SLC7A7: variants seen among roughly 807,000 people sequenced by gnomAD.
SLC7A7 encodes Y+L amino acid transporter 1.
Under a neutral mutation model 47.9 loss-of-function variants are expected in SLC7A7, and 39 were observed. That is an observed-to-expected ratio of 0.81 (90% confidence interval 0.63 to 1.06). The LOEUF (loss-of-function observed/expected upper bound fraction) is 1.06. SLC7A7 is among the 50% of genes least tolerant of loss of function. SLC7A7 has a pLI of 0.00. For synonymous variants in SLC7A7, 234 were observed against 242.8 expected (o/e 0.96, Z 0.34); for missense variants, 588 against 632.0 (o/e 0.93, Z 0.75).
At chr14:22,809,240 C>CA (rs1220318201) in intron 2 of SLC7A7, among the ~76,000 whole-genome samples, 1 of 152,168 alleles carries the variant, frequency 6.6e-6, no homozygotes, top group Non-Finnish European at 1.5e-5. Flanking sequence ...AGTGCAGTAG[C>CA]ATGATCTCGG....
chr14:22,778,850 G>C lies in SLC7A7; in HGVS notation c.713C>G (p.Ser238Cys), dbSNP rs386833823. Reference sequence around the variant, plus strand: ...GTTGAGGGTGTCCCAGCCTGAGTAGGAGAACAGAGCTGAGTACAGTGCCAG... The same window carrying C: ...GTTGAGGGTGTCCCAGCCTGAGTAGCAGAACAGAGCTGAGTACAGTGCCAG... ...IALALYSALF[S>C]YSGWDTLNYV... The change falls in exon 4 of 10, where the codon TCC (serine) becomes TGC (cysteine). Residue 238 changes from serine to cysteine, a missense_variant. Ser to Cys is a moderately radical substitution (Grantham distance 112). Coordinates refer to ENST00000674313, the MANE Select transcript of SLC7A7 (RefSeq NM_003982.4). The C allele has an allele frequency of 2.5e-6, 4 of 1,614,044 alleles. No homozygotes were observed. Among genetic ancestry groups the C allele is most frequent in the Non-Finnish European group, 3.4e-6 (4 of 1,180,032 alleles).
intron 3 of SLC7A7, among the ~76,000 whole-genome samples, chr14:22,779,485 C>T (rs962676877): frequency 1.1e-4 from 17 of 151,284 alleles, no homozygotes; most frequent in Non-Finnish European, 1.8e-4. Context: ...GACAGAGTCT[C>T]GCTCTGTCGC....
At chr14:22,799,265 A>G (rs970602129) in intron 2 of SLC7A7, among the ~76,000 whole-genome samples, 3 of 151,862 alleles carry the variant, frequency 2.0e-5, no homozygotes, top group East Asian at 3.9e-4. Context: ...TCCACTCACC[A>G]TCTTCCAGGT....
At chr14:22,815,969 T>C (rs139848910), upstream of SLC7A7, 443 of 277,906 alleles carry the variant, frequency 1.6e-3, 3 homozygotes, top group African/African-American at 9.1e-3. Flanking sequence ...CACTTCCCCA[T>C]GCAAAGAGAG....
At chr14:22,791,988 C>G (rs1395614734) in intron 2 of SLC7A7, among the ~76,000 whole-genome samples, 1 of 152,076 alleles carries the variant, frequency 6.6e-6, no homozygotes, top group African/African-American at 2.4e-5. Context: ...GCGTCCGCCA[C>G]CACGTCCGGC....
chr14:22,815,538 A>T (rs2039394229), upstream of SLC7A7: 1 of 454,204 alleles, frequency 2.2e-6, no homozygotes, highest in Non-Finnish European at 4.4e-6. Flanking sequence ...TTAAGCAACC[A>T]TCTGGGTCCA....
At chr14:22,800,308 T>A (rs1297888967) in intron 2 of SLC7A7, among the ~76,000 whole-genome samples, 1 of 152,180 alleles carries the variant, frequency 6.6e-6, no homozygotes, top group Non-Finnish European at 1.5e-5. Flanking sequence ...ATTGGAGTTT[T>A]CCAATATGCC....
chr14:22,791,251 T>C (rs1386648809), intron 2 of SLC7A7, among the ~76,000 whole-genome samples: 1 of 152,178 alleles, frequency 6.6e-6, no homozygotes, highest in Non-Finnish European at 1.5e-5. Context: ...TCCCAATCCC[T>C]ATAAACCTCC....
chr14:22,813,544 C>T (rs1034426867), intron 1 of SLC7A7, 104 bp from the exon 2 acceptor site: 12 of 860,190 alleles, frequency 1.4e-5, no homozygotes, highest in South Asian at 1.3e-4. Context: ...CCAACCAATG[C>T]GGAGACCTCC....
At chr14:22,810,254 C>T (rs996102233) in intron 2 of SLC7A7, among the ~76,000 whole-genome samples, 66 of 151,590 alleles carry the variant, frequency 4.4e-4, no homozygotes, top group Admixed American at 7.2e-4. Flanking sequence ...TACCTGAGGT[C>T]CGGAGTTCGA....
At chr14:22,796,161 T>G (rs973138402) in intron 2 of SLC7A7, among the ~76,000 whole-genome samples, 3 of 152,094 alleles carry the variant, frequency 2.0e-5, no homozygotes, top group Non-Finnish European at 4.4e-5. Context: ...GGCAACTAGC[T>G]TCCAAGTAGA....
chr14:22,775,448 A>G lies in SLC7A7; in HGVS notation c.1091T>C (p.Phe364Ser). Reference protein sequence around the residue: ...ERFTPVPSLLFNGIMALIYLC... With the variant: ...ERFTPVPSLLSNGIMALIYLC... The stretch of plus-strand genomic sequence containing the variant: ...CTCATCCTTGAGTTCACTTACATTG[A>G]AGAGCAGAGAAGGCACTGGTGTGAA... Residue 364 changes from phenylalanine to serine, a missense_variant, in exon 7 of 10, where the codon TTC becomes TCC. By Grantham distance (155) the Phe-to-Ser change is radical. Transcript: ENST00000674313. 6.2e-7 allele frequency: 1 copy of G among 1,613,606 alleles called. No individual in the cohort carries two copies.
At chr14:22,795,419 TTTCTTTCTTTCTTTC>T (rs1404215446) in intron 2 of SLC7A7, among the ~76,000 whole-genome samples, 12 of 146,872 alleles carry the variant, frequency 8.2e-5, no homozygotes, top group African/African-American at 3.0e-4. Context: ...TCTTTCTTTC[TTTCTTTCTTTCTTTC>T]TTTCTTTCTT....
intron 2 of SLC7A7, among the ~76,000 whole-genome samples, chr14:22,801,195 C>T (rs569795044): frequency 2.9e-4 from 44 of 152,254 alleles, no homozygotes; most frequent in African/African-American, 1.0e-3. Context: ...TATGCCTTGA[C>T]TCTATTTACC....
chr14:22,777,486 C>T (rs1390165248), intron 4 of SLC7A7, among the ~76,000 whole-genome samples: 2 of 151,798 alleles, frequency 1.3e-5, no homozygotes, highest in Non-Finnish European at 1.5e-5. Context: ...AACTGGTGGG[C>T]AAAAGAAAGA....
intron 2 of SLC7A7, among the ~76,000 whole-genome samples, chr14:22,798,522 G>T (rs1594969296): frequency 6.6e-6 from 1 of 152,270 alleles, no homozygotes; most frequent in East Asian, 1.9e-4. Context: ...CATGGAGAAG[G>T]CATCATTGTA....
intron 1 of SLC7A7, chr14:22,814,841 G>A (rs2039381375): frequency 6.0e-6 from 1 of 166,434 alleles, no homozygotes; most frequent in Non-Finnish European, 1.3e-5. Context: ...ACCCTTAGCT[G>A]GAGTCTTCAG....
chr14:22,802,245 A>G (rs2039127709), intron 2 of SLC7A7, among the ~76,000 whole-genome samples: 1 of 152,100 alleles, frequency 6.6e-6, no homozygotes, highest in Non-Finnish European at 1.5e-5. Context: ...TGTACTAAAA[A>G]TACAAAAATT....
intron 2 of SLC7A7, among the ~76,000 whole-genome samples, chr14:22,795,888 G>C (rs1436287403): frequency 6.6e-6 from 1 of 152,090 alleles, no homozygotes; most frequent in Non-Finnish European, 1.5e-5. Context: ...CTGAGGCAGA[G>C]AGAAAAAGAA....
Sources: gnomAD v4.1 joint callset for allele counts (sites outside exome capture counted in the v4.1 genomes callset) on GRCh38, gnomAD v4.1.1 for gene constraint, MANE v1.5 for transcripts, NCBI Gene and HGNC (gene_info 2026-07-23, HGNC 2026-07-21) for gene names.